SEMA4F: variants seen among roughly 807,000 people sequenced by gnomAD.
SEMA4F encodes semaphorin-4F.
A neutral mutation model predicts 78.4 loss-of-function variants in SEMA4F; 51 were observed. That is an observed-to-expected ratio of 0.65 (90% CI 0.52 to 0.82). The LOEUF is 0.82. Among genes scored for constraint, SEMA4F ranks in the 40% least tolerant of loss-of-function variants. The pLI, the probability that SEMA4F is intolerant of heterozygous loss-of-function variation, is 0.00. For missense variants in SEMA4F, 938 were observed against 1,014.4 expected (o/e 0.92, Z 1.02); for synonymous variants, 418 against 408.7 (o/e 1.02, Z -0.27).
the SEMA4F span, among the ~76,000 whole-genome samples, chr2:74,706,628 G>A: frequency 2.0e-4 from 30 of 152,312 alleles, no homozygotes; most frequent in African/African-American, 5.1e-4. Context: ...TGGAGTAGAC[G>A]TGGGGAAGTT....
At chr2:74,657,972 A>C in intron 4 of SEMA4F, 21 bp downstream of exon 4, 1 of 1,604,032 alleles carries the variant, frequency 6.2e-7, no homozygotes, top group Non-Finnish European at 8.5e-7. Context: ...GTGTGGGAGG[A>C]GAGGGAGAGG....
At chr2:74,685,610 G>A (rs534974830), downstream of SEMA4F, among the ~76,000 whole-genome samples, 164 of 152,170 alleles carry the variant, frequency 1.1e-3, no homozygotes, top group Non-Finnish European at 1.9e-3. Context: ...CCTAGGAAAT[G>A]GGATACTATG....
intron 4 of SEMA4F, among the ~76,000 whole-genome samples, chr2:74,659,463 C>G (rs959386117): frequency 2.6e-5 from 4 of 152,168 alleles, no homozygotes; most frequent in African/African-American, 9.7e-5. Context: ...GGATGCCTAT[C>G]TCTTCTTGAG....
chr2:74,699,230 C>T, the SEMA4F span, among the ~76,000 whole-genome samples: 1 of 152,200 alleles, frequency 6.6e-6, no homozygotes, highest in East Asian at 1.9e-4. Context: ...TCTTTAGGTT[C>T]AGCTGAAATC....
At position 74,679,764 on chromosome 2, in the gene SEMA4F, T is replaced by C; in HGVS notation, c.1868T>C (p.Met623Thr). 1 of 1,614,148 alleles carries C rather than the reference T, an allele frequency of 6.2e-7. No individual in the cohort carries two copies. Among genetic ancestry groups the C allele is most frequent in the Non-Finnish European group, 8.5e-7 (1 of 1,180,014 alleles). The stretch of plus-strand genomic sequence containing the variant: ...GAGGTGGTGGTGACCCCAGGGGCCA[T>C]GGGCGCTTATGCCTGTGAATGTCAG... ...GLEVVVTPGAMGAYACECQEG... is the reference protein window; with the variant it reads ...GLEVVVTPGATGAYACECQEG... Residue 623 changes from methionine to threonine, a missense_variant, in exon 14 of 14, where the codon ATG becomes ACG. Met to Thr is a moderately conservative substitution (Grantham distance 81, BLOSUM62 -1). Coordinates refer to ENST00000357877, the MANE Select transcript of SEMA4F (RefSeq NM_004263.5).
At chr2:74,664,966 C>T (rs1014957392) in intron 5 of SEMA4F, among the ~76,000 whole-genome samples, 5 of 152,012 alleles carry the variant, frequency 3.3e-5, no homozygotes, top group Admixed American at 6.5e-5. Context: ...TTTGATGAAT[C>T]GCATGAGGGG....
At position 74,665,480 on chromosome 2, in the gene SEMA4F, C is replaced by T. The variant is rs548102934; in HGVS notation, c.550+2655C>T. Among the ~76,000 whole-genome samples, 14 of 152,120 alleles carry T rather than the reference C, an allele frequency of 9.2e-5. No individual in the cohort carries two copies. In the East Asian group the frequency reaches 1.9e-3, roughly 21 times the overall value. On this transcript the variant is annotated intron_variant, in intron 5 of 13. Transcript: ENST00000357877. ...TCCTGACCTCGTGATCTGCCCACCT[C>T]GGCATCTCAAGGTGCTGGGATTACA... is the stretch of plus-strand genomic sequence containing the variant.
intron 5 of SEMA4F, among the ~76,000 whole-genome samples, chr2:74,668,256 C>T (rs564702600): frequency 3.8e-4 from 58 of 152,278 alleles, no homozygotes; most frequent in Admixed American, 3.1e-3. Flanking sequence ...TTGTGATGAA[C>T]GCATCTGCCA....
chr2:74,704,305 C>T, the SEMA4F span, among the ~76,000 whole-genome samples: 1 of 149,546 alleles, frequency 6.7e-6, no homozygotes, highest in East Asian at 2.0e-4. Context: ...TTTCTCATGG[C>T]TATTTGGCCT....
the SEMA4F span, among the ~76,000 whole-genome samples, chr2:74,706,699 G>A: frequency 2.0e-5 from 3 of 152,098 alleles, no homozygotes; most frequent in East Asian, 1.9e-4. Flanking sequence ...CATATTTCAC[G>A]GTTAATCTCT....
intron 8 of SEMA4F, 70 bp from the exon 9 acceptor site, chr2:74,674,818 C>T: frequency 3.2e-6 from 5 of 1,573,648 alleles, no homozygotes; most frequent in Non-Finnish European, 4.3e-6. Context: ...GGGGTCATCT[C>T]ATTTGACAAG....
At chr2:74,688,213 C>CAA (rs772117053), downstream of SEMA4F, among the ~76,000 whole-genome samples, 41 of 152,162 alleles carry the variant, frequency 2.7e-4, no homozygotes, top group Non-Finnish European at 1.2e-4. Context: ...CTGCAGTGTA[C>CAA]AAAGTACCCA....
downstream of SEMA4F, among the ~76,000 whole-genome samples, chr2:74,686,697 C>T (rs1044951705): frequency 2.6e-5 from 4 of 152,078 alleles, no homozygotes; most frequent in Admixed American, 6.6e-5. Context: ...ACTATGCAGC[C>T]GTAAAAAGAA....
At chr2:74,655,890 G>A (rs1684108473) in intron 1 of SEMA4F, among the ~76,000 whole-genome samples, 1 of 152,192 alleles carries the variant, frequency 6.6e-6, no homozygotes, top group African/African-American at 2.4e-5. Flanking sequence ...AGGTAGAGCA[G>A]AGCTGTATTG....
At chr2:74,672,292 G>A (rs147723095) in intron 5 of SEMA4F, among the ~76,000 whole-genome samples, 11 of 152,214 alleles carry the variant, frequency 7.2e-5, no homozygotes, top group Admixed American at 2.6e-4. Flanking sequence ...CCTTCCATCT[G>A]GCAAATTTCT....
At position 74,679,669 on chromosome 2, in the gene SEMA4F, A is replaced by G. The variant is rs368308812; in HGVS notation, c.1773A>G (p.Ser591=). The G allele has an allele frequency of 7.4e-6, 12 of 1,613,686 alleles. No individual in the cohort carries two copies. In the African/African-American group the frequency reaches 1.5e-4, roughly 20 times the overall value. The change falls in exon 14 of 14, where the codon TCA becomes TCG. Residue 591 remains serine, a synonymous_variant. Transcript: ENST00000357877. ...TGGTCTTGCCATGTTCTCCAAGCTC[A>G]GCATGGGCATCCTGTGTGTGGCACC... ...AHVVLPCSPS[S]AWASCVWHQP...
chr2:74,675,920 C>G lies in SEMA4F; in HGVS notation c.1643+11C>G. The G allele has an allele frequency of 6.2e-7, 1 of 1,602,568 alleles. No homozygotes were observed. ...CGGGGAGCACCGAGGGTGAGTGTAG[C>G]TGCCTGGATTTCTTGCTTACTGTGC... On this transcript the variant is annotated intron_variant, in intron 12 of 13. Coordinates refer to ENST00000357877, the MANE Select transcript of SEMA4F (RefSeq NM_004263.5).
At chr2:74,686,685 A>G (rs573212481), downstream of SEMA4F, among the ~76,000 whole-genome samples, 11 of 152,236 alleles carry the variant, frequency 7.2e-5, no homozygotes, top group Non-Finnish European at 1.5e-4. Flanking sequence ...ACACCATGGA[A>G]TACTATGCAG....
At chr2:74,688,990 CT>C in the SEMA4F span, among the ~76,000 whole-genome samples, 1 of 152,140 alleles carries the variant, frequency 6.6e-6, no homozygotes, top group Admixed American at 6.5e-5. Flanking sequence ...TCCCTGTCCC[CT>C]TAAAGCTCAT....
Sources: allele counts gnomAD v4.1 joint callset (sites outside exome capture counted in the v4.1 genomes callset), GRCh38; gene constraint gnomAD v4.1.1; transcripts MANE v1.5; gene names NCBI Gene and HGNC (gene_info 2026-07-23, HGNC 2026-07-21).